Variants in SORCS2 observed in about 807,000 individuals in gnomAD.
SORCS2 encodes the protein VPS10 domain-containing receptor SorCS2.
A neutral mutation model predicts 141.6 loss-of-function variants in SORCS2; 100 were observed. That is an observed-to-expected ratio of 0.71 (90% confidence interval 0.60 to 0.83). SORCS2 has a LOEUF of 0.83. Among genes scored for constraint, SORCS2 ranks in the 40% least tolerant of loss-of-function variants. SORCS2 has a pLI of 0.00. For synonymous variants in SORCS2, 789 were observed against 676.9 expected (o/e 1.17, Z -2.57); for missense variants, 1,646 against 1,560.2 (o/e 1.05, Z -0.93).
intron 3 of SORCS2, among the ~76,000 whole-genome samples, chr4:7,616,123 G>A (rs1487598536): frequency 6.6e-6 from 1 of 152,192 alleles, no homozygotes; most frequent in Non-Finnish European, 1.5e-5. Context: ...AAGGGATGGA[G>A]CCTGGCAGGT....
intron 2 of SORCS2, among the ~76,000 whole-genome samples, chr4:7,443,021 T>C (rs1242675280): frequency 6.6e-6 from 1 of 152,208 alleles, no homozygotes; most frequent in African/African-American, 2.4e-5. Context: ...CTGCCTCTGT[T>C]GTGGCTTTCT....
rs756167376 is a variant in SORCS2, at chr4:7,193,713, G to T, written c.480+587G>T. ...CTGTCTTGAGCTCTTGCTGCCGGTC[G>T]CCCCGCCTGGATGCACTGGGACCCG... is the stretch of plus-strand genomic sequence containing the variant. On this transcript the variant is annotated intron_variant, in intron 1 of 26. Transcript: ENST00000507866. The surrounding 1 kb of genome is among the most constrained non-coding windows in gnomAD (Gnocchi z 4.8). Among the ~76,000 whole-genome samples the T allele has an allele frequency of 3.9e-5, 6 of 152,154 alleles. No individual in the cohort carries two copies. The highest frequency in any genetic ancestry group is 7.2e-5 in the African/African-American group (3 of 41,440).
chr4:7,510,969 C>G (rs1398179846), intron 2 of SORCS2, among the ~76,000 whole-genome samples: 1 of 152,172 alleles, frequency 6.6e-6, no homozygotes, highest in Non-Finnish European at 1.5e-5. Flanking sequence ...GGTTCGAGGC[C>G]GGAACTAGGT....
intron 1 of SORCS2, among the ~76,000 whole-genome samples, chr4:7,223,506 C>T (rs1414985064): frequency 6.6e-6 from 1 of 152,072 alleles, no homozygotes; most frequent in Non-Finnish European, 1.5e-5. Context: ...TGCATTAACC[C>T]AATTAATACC....
At chr4:7,539,485 T>C (rs1296070118) in intron 3 of SORCS2, among the ~76,000 whole-genome samples, 1 of 152,204 alleles carries the variant, frequency 6.6e-6, no homozygotes, top group Non-Finnish European at 1.5e-5. Flanking sequence ...GCTCTTTGTC[T>C]GTGGGTCTCT....
chr4:7,662,116 G>A (rs956504870), intron 6 of SORCS2, among the ~76,000 whole-genome samples: 15 of 152,162 alleles, frequency 9.9e-5, no homozygotes, highest in African/African-American at 3.6e-4. Context: ...CTCCTGGCCT[G>A]TGAAATGGAT....
At chr4:7,398,501 C>G (rs897654602) in intron 2 of SORCS2, among the ~76,000 whole-genome samples, 3 of 152,222 alleles carry the variant, frequency 2.0e-5, no homozygotes, top group Non-Finnish European at 4.4e-5. Context: ...TCATCACTGT[C>G]TCTATACCCA....
At position 7,679,595 on chromosome 4, in the gene SORCS2, G is replaced by A. The variant is rs1018826224; in HGVS notation, c.1342-3148G>A. On this transcript the variant is annotated intron_variant, in intron 9 of 26. Transcript: ENST00000507866. ...ACAGAGGCAGAGACCGCGGCCGCAC[G>A]CCAGGGAGGGCTGGAGGCGCGGAGG... Among the ~76,000 whole-genome samples the A allele has an allele frequency of 2.6e-5, 4 of 152,308 alleles. No homozygotes were observed. The South Asian group carries it at 8.3e-4, about 32-fold the overall frequency.
At chr4:7,518,142 CGTT>C (rs1733103651) in intron 2 of SORCS2, among the ~76,000 whole-genome samples, 1 of 152,138 alleles carries the variant, frequency 6.6e-6, no homozygotes. Context: ...TTCTTCTTAG[CGTT>C]GTTGTTCTCA....
At chr4:7,729,778 A>G in intron 23 of SORCS2, 66 bp downstream of exon 23, 1 of 1,554,166 alleles carries the variant, frequency 6.4e-7, no homozygotes, top group Non-Finnish European at 8.8e-7. Context: ...GTCATTTACA[A>G]CAAGCAGGGA....
chr4:7,267,775 T>A lies in SORCS2; in HGVS notation c.480+74649T>A, dbSNP rs551334926. Among the ~76,000 whole-genome samples, 3 of 152,284 alleles carry A rather than the reference T, an allele frequency of 2.0e-5. No homozygotes were observed. In the South Asian group the frequency reaches 6.2e-4, roughly 32 times the overall value. ...TGAATCTGGGAGACGGAGGTTGCAG[T>A]GAGCCGAGATTGCGCCACTGCACTC... On this transcript the variant is annotated intron_variant, in intron 1 of 26. Transcript: ENST00000507866.
At position 7,403,961 on chromosome 4, in the gene SORCS2, GTATATATATATA is replaced by G. The variant is rs71635960; in HGVS notation, c.548+7632_548+7643del. On this transcript the variant is annotated intron_variant, in intron 2 of 26. Coordinates refer to ENST00000507866, the MANE Select transcript of SORCS2 (RefSeq NM_020777.3). ...TGTCATTTTCTCTGCCTCCATGTGTGTATATATATATATATATATATATATATATATATATAT... is the reference window on the plus strand; with the variant it reads ...TGTCATTTTCTCTGCCTCCATGTGTGTATATATATATATATATATATATAT... 7.4e-3 allele frequency among the ~76,000 whole-genome samples: 221 copies of G among 29,898 alleles called. 7 individuals carry two copies. Among genetic ancestry groups the G allele is most frequent in the East Asian group, 0.035 (40 of 1,158 alleles). 19.6% of individuals were successfully genotyped at this position (29,898 alleles called of 152,430 possible). A position where few individuals can be genotyped will look rare whatever the true frequency, so the allele number is the denominator to read the frequency against.
At position 7,349,340 on chromosome 4, in the gene SORCS2, G is replaced by A. The variant is rs553059197; in HGVS notation, c.481-46948G>A. On this transcript the variant is annotated intron_variant, in intron 1 of 26. Coordinates refer to ENST00000507866, the MANE Select transcript of SORCS2 (RefSeq NM_020777.3). ...CTGCAGGTGTCTCAGCATTCTCATT[G>A]TAAATATCTTGCTGAGTCAAGGTGT... Among the ~76,000 whole-genome samples the A allele has an allele frequency of 1.7e-3, 258 of 152,306 alleles. 1 individual carries two copies. The highest frequency in any genetic ancestry group is 4.8e-3 in the African/African-American group (200 of 41,572).
intron 3 of SORCS2, among the ~76,000 whole-genome samples, chr4:7,569,195 C>G (rs1287529512): frequency 6.6e-6 from 1 of 152,196 alleles, no homozygotes; most frequent in Non-Finnish European, 1.5e-5. Flanking sequence ...GGTGAGAAGG[C>G]CTGTGCCTTG....
intron 2 of SORCS2, among the ~76,000 whole-genome samples, chr4:7,515,022 T>A (rs756469587): frequency 6.6e-6 from 1 of 152,196 alleles, no homozygotes; most frequent in Non-Finnish European, 1.5e-5. Flanking sequence ...CCCAGACTTG[T>A]GGCGTTAGTT....
intron 1 of SORCS2, among the ~76,000 whole-genome samples, chr4:7,311,816 G>A (rs1718201279): frequency 6.6e-6 from 1 of 152,020 alleles, no homozygotes; most frequent in Non-Finnish European, 1.5e-5. Context: ...TATGTGATTT[G>A]CAAATATTTT....
In SORCS2 at chr4:7,723,790, C is replaced by T; in HGVS notation, c.2518C>T (p.His840Tyr). Residue 840 changes from histidine (H) to tyrosine (Y), a missense_variant, in exon 19 of 27, where the codon CAC becomes TAC. His to Tyr is a moderately conservative substitution (Grantham distance 83). Transcript: ENST00000507866. ...TACACTGACCGGGGAGCCCATCCGG[C>T]ACCGCTACGAGAGCCCCGGCATCTA... is the stretch of plus-strand genomic sequence containing the variant. The part of the protein sequence containing the change: ...NLTLTGEPIR[H>Y]RYESPGIYRV... 4 of 1,613,910 alleles carry T rather than the reference C, an allele frequency of 2.5e-6. No homozygotes were observed. The highest frequency in any genetic ancestry group is 3.4e-6 in the Non-Finnish European group (4 of 1,179,892).
chr4:7,677,634 A>G (rs1259884273), intron 9 of SORCS2, among the ~76,000 whole-genome samples: 2 of 152,218 alleles, frequency 1.3e-5, no homozygotes, highest in Non-Finnish European at 2.9e-5. Flanking sequence ...AGGCAGTGGC[A>G]TTGACAAGCT....
At chr4:7,195,354 A>G (rs1256911984) in intron 1 of SORCS2, among the ~76,000 whole-genome samples, 1 of 152,188 alleles carries the variant, frequency 6.6e-6, no homozygotes, top group Non-Finnish European at 1.5e-5. Flanking sequence ...GCATAGCCTG[A>G]CACTTAGCAA....
Sources: gnomAD v4.1 joint callset for allele counts (sites outside exome capture counted in the v4.1 genomes callset) on GRCh38, gnomAD v4.1.1 for gene constraint, Gnocchi (gnomAD v3.1) non-coding constraint, MANE v1.5 for transcripts, NCBI Gene and HGNC (gene_info 2026-07-23, HGNC 2026-07-21) for gene names.